Variants in KCND2 observed in about 807,000 individuals in gnomAD.
The protein encoded by KCND2 is potassium voltage-gated channel subfamily D member 2, also known as A-type voltage-gated potassium channel KCND2.
Under a neutral mutation model 54.4 loss-of-function variants are expected in KCND2, and 16 were observed. The ratio of observed to expected loss-of-function variants is 0.29; its 90% CI spans 0.20 to 0.45. The LOEUF is 0.45. Ranked by LOEUF, KCND2 falls within the 20% of genes least tolerant of loss-of-function variation. The pLI, the probability that KCND2 is intolerant of heterozygous loss-of-function variation, is 1.00. For synonymous variants in KCND2, 317 were observed against 310.7 expected, an observed-to-expected ratio of 1.02 and a Z score of -0.21; for missense variants, 486 against 824.2, an observed-to-expected ratio of 0.59 and a Z score of 5.02.
chr7:120,317,912 A>G (rs1038319981), intron 1 of KCND2, among the ~76,000 whole-genome samples: 1 of 152,184 alleles, frequency 6.6e-6, no homozygotes, highest in South Asian at 2.1e-4. Flanking sequence ...TTTAAGATAC[A>G]CAATCTTCCT....
At chr7:120,391,506 T>C (rs1432109846) in intron 1 of KCND2, among the ~76,000 whole-genome samples, 2 of 152,114 alleles carry the variant, frequency 1.3e-5, no homozygotes, top group Non-Finnish European at 2.9e-5. Context: ...TCTTCCACAA[T>C]GGTTGAACTA....
intron 1 of KCND2, among the ~76,000 whole-genome samples, chr7:120,372,673 C>G (rs1246214486): frequency 6.6e-6 from 1 of 151,754 alleles, no homozygotes; most frequent in Non-Finnish European, 1.5e-5. Context: ...CCTTTCTTTT[C>G]CTTTATTTGA....
chr7:120,713,789 A>G (rs956842537), intron 1 of KCND2, among the ~76,000 whole-genome samples: 14 of 152,152 alleles, frequency 9.2e-5, no homozygotes, highest in African/African-American at 3.4e-4. Flanking sequence ...ATTTGCTGTC[A>G]TATTAGTTAT....
chr7:120,339,503 CTGTGTGTG>C (rs10525061), intron 1 of KCND2, among the ~76,000 whole-genome samples: 1,834 of 149,772 alleles, frequency 0.012, 27 homozygotes, highest in African/African-American at 0.039. Context: ...CTTTAGAAGG[CTGTGTGTG>C]TGTGTGTGTG....
chr7:120,425,786 GT>G (rs1801697977), intron 1 of KCND2, among the ~76,000 whole-genome samples: 1 of 152,166 alleles, frequency 6.6e-6, no homozygotes, highest in Non-Finnish European at 1.5e-5. Flanking sequence ...GCTAGAGCAC[GT>G]TTTCCCCTGG....
intron 1 of KCND2, among the ~76,000 whole-genome samples, chr7:120,339,050 A>ATTTTT (rs778288080): frequency 2.2e-5 from 3 of 138,994 alleles, no homozygotes; most frequent in African/African-American, 3.0e-5. Context: ...CTGGCTAATT[A>ATTTTT]TTATTTTTTT....
chr7:120,434,441 A>G (rs1391037536), intron 1 of KCND2, among the ~76,000 whole-genome samples: 3 of 152,208 alleles, frequency 2.0e-5, no homozygotes, highest in Non-Finnish European at 4.4e-5. Flanking sequence ...AGAGCAGCTT[A>G]AGAATCCACT....
intron 1 of KCND2, among the ~76,000 whole-genome samples, chr7:120,309,977 T>G (rs1339040989): frequency 6.6e-6 from 1 of 152,154 alleles, no homozygotes; most frequent in Non-Finnish European, 1.5e-5. Context: ...CTTCACAGGT[T>G]TTTACTGTGT....
intron 1 of KCND2, among the ~76,000 whole-genome samples, chr7:120,489,930 A>G (rs1308411315): frequency 6.6e-6 from 1 of 152,160 alleles, no homozygotes; most frequent in Non-Finnish European, 1.5e-5. Flanking sequence ...ACCTACCCTG[A>G]TAGGTGGGCC....
At chr7:120,404,341 C>A (rs963174454) in intron 1 of KCND2, among the ~76,000 whole-genome samples, 1 of 152,106 alleles carries the variant, frequency 6.6e-6, no homozygotes, top group Admixed American at 6.6e-5. Flanking sequence ...TTTTTCCAAC[C>A]TTTGCAGCAT....
At chr7:120,398,313 T>G (rs1161878369) in intron 1 of KCND2, among the ~76,000 whole-genome samples, 1 of 151,926 alleles carries the variant, frequency 6.6e-6, no homozygotes, top group East Asian at 1.9e-4. Context: ...CATATGAAGC[T>G]TCTCTTCTAT....
intron 1 of KCND2, among the ~76,000 whole-genome samples, chr7:120,637,890 C>A (rs1183315891): frequency 6.6e-6 from 1 of 151,802 alleles, no homozygotes; most frequent in African/African-American, 2.4e-5. Context: ...AAATGAAGAC[C>A]CAGCGGAATC....
At chr7:120,395,253 A>G (rs1216357033) in intron 1 of KCND2, among the ~76,000 whole-genome samples, 1 of 152,016 alleles carries the variant, frequency 6.6e-6, no homozygotes, top group Non-Finnish European at 1.5e-5. Flanking sequence ...TGTAGTACAC[A>G]TTTGGGGCAG....
At chr7:120,536,862 T>C (rs1435310345) in intron 1 of KCND2, among the ~76,000 whole-genome samples, 1 of 152,196 alleles carries the variant, frequency 6.6e-6, no homozygotes, top group African/African-American at 2.4e-5. Flanking sequence ...TTTTAATTAT[T>C]TTTGTCAGAT....
chr7:120,636,262 C>T (rs1169615401), intron 1 of KCND2, among the ~76,000 whole-genome samples: 4 of 151,926 alleles, frequency 2.6e-5, no homozygotes, highest in African/African-American at 9.7e-5. Flanking sequence ...GCAAAATTCA[C>T]GATTATAAGC....
intron 1 of KCND2, among the ~76,000 whole-genome samples, chr7:120,656,442 C>T (rs187138981): frequency 5.3e-4 from 80 of 152,282 alleles, no homozygotes; most frequent in African/African-American, 1.8e-3. Flanking sequence ...TAATTCGTCA[C>T]TGTAAAGCAA....
intron 1 of KCND2, among the ~76,000 whole-genome samples, chr7:120,388,984 C>T (rs1331811937): frequency 1.3e-5 from 2 of 150,808 alleles, no homozygotes; most frequent in African/African-American, 2.4e-5. Context: ...TATTTTGATG[C>T]ATCTACATTT....
intron 1 of KCND2, among the ~76,000 whole-genome samples, chr7:120,510,657 G>A (rs966000084): frequency 1.3e-5 from 2 of 151,908 alleles, no homozygotes; most frequent in African/African-American, 4.8e-5. Flanking sequence ...CTCTACCTAA[G>A]GAGCACTAAA....
intron 1 of KCND2, among the ~76,000 whole-genome samples, chr7:120,285,054 G>T (rs980861453): frequency 1.3e-5 from 2 of 152,056 alleles, no homozygotes; most frequent in African/African-American, 4.8e-5. Flanking sequence ...TGTTCCACTG[G>T]TATTACTTTT....
Sources: gnomAD v4.1 joint callset for allele counts (sites outside exome capture counted in the v4.1 genomes callset) on GRCh38, gnomAD v4.1.1 for gene constraint, MANE v1.5 for transcripts, NCBI Gene and HGNC (gene_info 2026-07-23, HGNC 2026-07-21) for gene names.